Variants in TENM2 observed in about 807,000 individuals in gnomAD.
TENM2 encodes the protein teneurin transmembrane protein 2.
A neutral mutation model predicts 245.2 loss-of-function variants in TENM2; 52 were observed. The observed-to-expected ratio is 0.21, with a 90% CI of 0.17 to 0.27. TENM2 has a LOEUF of 0.27. Ranked by LOEUF, TENM2 falls within the 10% of genes least tolerant of loss-of-function variation. The pLI is 1.00. For missense variants in TENM2, 3,046 were observed against 3,666.8 expected, an observed-to-expected ratio of 0.83 and a Z score of 4.37; for synonymous variants, 1,363 against 1,438.9, an observed-to-expected ratio of 0.95 and a Z score of 1.19.
intron 2 of TENM2, among the ~76,000 whole-genome samples, chr5:167,386,122 G>A (rs541479749): frequency 7.9e-5 from 12 of 152,016 alleles, no homozygotes; most frequent in Admixed American, 2.6e-4. Flanking sequence ...CTTGCTGGCC[G>A]TACTAGTTTA....
chr5:167,937,220 TC>T (rs1176739119), intron 3 of TENM2, among the ~76,000 whole-genome samples: 1 of 152,246 alleles, frequency 6.6e-6, no homozygotes, highest in Admixed American at 6.5e-5. Flanking sequence ...TTCATAGTAC[TC>T]CATGAATTAT....
At chr5:168,238,507 C>T (rs183486110) in intron 25 of TENM2, among the ~76,000 whole-genome samples, 5 of 152,294 alleles carry the variant, frequency 3.3e-5, no homozygotes, top group Admixed American at 2.0e-4. Context: ...TTCTTCTATA[C>T]GTCTAACTGA....
chr5:167,675,747 G>T (rs535275234), intron 2 of TENM2, among the ~76,000 whole-genome samples: 1 of 152,190 alleles, frequency 6.6e-6, no homozygotes, highest in Admixed American at 6.6e-5. Context: ...CTCAAAGGGA[G>T]TAAATGAGAT....
the TENM2 span, among the ~76,000 whole-genome samples, chr5:167,068,949 A>G: frequency 6.6e-6 from 1 of 152,228 alleles, no homozygotes; most frequent in African/African-American, 2.4e-5. Context: ...AATGCAAAAT[A>G]GCTTGAGTAT....
chr5:167,898,021 A>G lies in TENM2; in HGVS notation c.712+21826A>G, dbSNP rs572780889. Among the ~76,000 whole-genome samples, 83 of 151,770 alleles carry G rather than the reference A, an allele frequency of 5.5e-4. 1 individual carries two copies. Among genetic ancestry groups the G allele is most frequent in the African/African-American group, 1.7e-3 (72 of 41,416 alleles). On this transcript the variant is annotated intron_variant, in intron 3 of 28. Transcript: ENST00000518659. ...GGCAAGAGATTTGCACACAGAAGAC[A>G]TGACTTCCCCCTACCTCCTGCTGAT...
intron 4 of TENM2, among the ~76,000 whole-genome samples, chr5:167,990,273 G>C (rs1783567746): frequency 1.3e-5 from 2 of 152,162 alleles, no homozygotes; most frequent in Admixed American, 6.6e-5. Context: ...TCAGGTGTTT[G>C]TTCAACATTT....
chr5:167,928,976 G>A (rs1250569243), intron 3 of TENM2, among the ~76,000 whole-genome samples: 12 of 142,308 alleles, frequency 8.4e-5, no homozygotes, highest in Non-Finnish European at 1.5e-4. Context: ...AAGGGAGGAA[G>A]GAAGGGAGGG....
At chr5:167,405,043 G>A (rs916185752) in intron 2 of TENM2, among the ~76,000 whole-genome samples, 1 of 152,120 alleles carries the variant, frequency 6.6e-6, no homozygotes, top group Non-Finnish European at 1.5e-5. Context: ...GCAATATGTA[G>A]TATTTTCTGA....
chr5:167,101,849 T>TTATATATATATATTTATA, the TENM2 span, among the ~76,000 whole-genome samples: 411 of 69,404 alleles, frequency 5.9e-3, 8 homozygotes, highest in African/African-American at 0.022. Flanking sequence ...ATATATATAT[T>TTATATATATATATTTATA]TATATATATA....
At chr5:167,816,137 C>A (rs1767038864) in intron 2 of TENM2, among the ~76,000 whole-genome samples, 1 of 151,964 alleles carries the variant, frequency 6.6e-6, no homozygotes, top group Non-Finnish European at 1.5e-5. Flanking sequence ...AACAATAGAG[C>A]CACATTATCA....
chr5:167,711,940 T>G (rs1758938359), intron 2 of TENM2, among the ~76,000 whole-genome samples: 3 of 152,256 alleles, frequency 2.0e-5, no homozygotes. Context: ...TGCAAATTAT[T>G]TTTAATACAT....
chr5:167,646,808 GGCAA>G (rs1779998535), intron 2 of TENM2, among the ~76,000 whole-genome samples: 1 of 152,118 alleles, frequency 6.6e-6, no homozygotes, highest in African/African-American at 2.4e-5. Flanking sequence ...GAAAGACTAC[GGCAA>G]GCCAGATGGC....
intron 1 of TENM2, among the ~76,000 whole-genome samples, chr5:167,304,346 C>G (rs995778691): frequency 6.6e-6 from 1 of 152,214 alleles, no homozygotes; most frequent in African/African-American, 2.4e-5. Context: ...GTTCCTTACT[C>G]TTGCTCTTCT....
the TENM2 span, among the ~76,000 whole-genome samples, chr5:167,252,092 C>A: frequency 6.6e-6 from 1 of 152,230 alleles, no homozygotes; most frequent in East Asian, 1.9e-4. Flanking sequence ...GTTCTCCTGG[C>A]ATTGGCTCAA....
intron 4 of TENM2, among the ~76,000 whole-genome samples, chr5:167,963,881 C>T (rs761860266): frequency 1.3e-5 from 2 of 151,978 alleles, no homozygotes; most frequent in African/African-American, 4.8e-5. Flanking sequence ...GACAAACAAG[C>T]ATATAAGGGA....
At chr5:167,205,913 C>T in the TENM2 span, among the ~76,000 whole-genome samples, 7 of 152,152 alleles carry the variant, frequency 4.6e-5, no homozygotes, top group East Asian at 1.2e-3. Context: ...AAATTCTTCT[C>T]GTTCTTGCAA....
At chr5:168,147,683 A>G (rs1352260607) in intron 12 of TENM2, among the ~76,000 whole-genome samples, 1 of 152,212 alleles carries the variant, frequency 6.6e-6, no homozygotes, top group Non-Finnish European at 1.5e-5. Context: ...TCTGCGCTGT[A>G]TTATTCAGTA....
chr5:167,447,815 A>G (rs1003174053), intron 2 of TENM2, among the ~76,000 whole-genome samples: 4 of 152,160 alleles, frequency 2.6e-5, no homozygotes, highest in Admixed American at 6.5e-5. Flanking sequence ...AATGGTGACA[A>G]TGCACTAATT....
the TENM2 span, among the ~76,000 whole-genome samples, chr5:167,001,700 G>GT: frequency 6.6e-6 from 1 of 152,078 alleles, no homozygotes; most frequent in African/African-American, 2.4e-5. Context: ...TGCTTTCCAA[G>GT]TTATCTATGA....
Sources: gnomAD v4.1 joint callset for allele counts (sites outside exome capture counted in the v4.1 genomes callset) on GRCh38, gnomAD v4.1.1 for gene constraint, MANE v1.5 for transcripts, NCBI Gene and HGNC (gene_info 2026-07-23, HGNC 2026-07-21) for gene names.